Variants in SHISA9 observed in about 807,000 individuals in gnomAD.
SHISA9 encodes the protein shisa family member 9.
In SHISA9, 13 loss-of-function variants were observed where a neutral mutation model predicts 38.0. The observed-to-expected ratio is 0.34, with a 90% confidence interval of 0.22 to 0.54. SHISA9 has a LOEUF of 0.54. Ranked by LOEUF, SHISA9 falls within the 20% of genes least tolerant of loss-of-function variation. The pLI is 0.91. For synonymous variants in SHISA9, 275 were observed against 242.0 expected (o/e 1.14, Z -1.27); for missense variants, 538 against 575.8 (o/e 0.93, Z 0.67).
the SHISA9 span, among the ~76,000 whole-genome samples, chr16:13,386,795 G>A: frequency 1.3e-5 from 2 of 152,038 alleles, no homozygotes; most frequent in African/African-American, 4.8e-5. Context: ...AATTGTTATT[G>A]TAATGTTTAA....
the SHISA9 span, among the ~76,000 whole-genome samples, chr16:13,452,528 A>T: frequency 6.6e-6 from 1 of 152,192 alleles, no homozygotes; most frequent in Non-Finnish European, 1.5e-5. Flanking sequence ...TAGGTGGAAG[A>T]TGGAGCATTA....
chr16:12,940,866 T>G (rs1173802853), intron 2 of SHISA9, among the ~76,000 whole-genome samples: 1 of 151,636 alleles, frequency 6.6e-6, no homozygotes, highest in South Asian at 2.1e-4. Flanking sequence ...GTAGATGAAA[T>G]GGAATAATGC....
chr16:13,511,015 C>A, the SHISA9 span, among the ~76,000 whole-genome samples: 1 of 152,176 alleles, frequency 6.6e-6, no homozygotes, highest in Non-Finnish European at 1.5e-5. Context: ...CTAGAGAAAG[C>A]AAAATTTAGC....
chr16:13,267,740 C>T, the SHISA9 span, among the ~76,000 whole-genome samples: 2 of 152,136 alleles, frequency 1.3e-5, no homozygotes, highest in African/African-American at 4.8e-5. Context: ...TTCTCTGCTC[C>T]ATCTTCTCTG....
At chr16:13,207,533 G>A (rs1257975322) in intron 3 of SHISA9, among the ~76,000 whole-genome samples, 3 of 152,006 alleles carry the variant, frequency 2.0e-5, no homozygotes, top group Non-Finnish European at 4.4e-5. Flanking sequence ...AAACTCTGAA[G>A]CATCCCACGT....
At chr16:13,182,632 A>G (rs973806978) in intron 2 of SHISA9, among the ~76,000 whole-genome samples, 1 of 152,216 alleles carries the variant, frequency 6.6e-6, no homozygotes, top group Admixed American at 6.5e-5. Flanking sequence ...AGATATACAA[A>G]CTAAGATGTT....
the SHISA9 span, among the ~76,000 whole-genome samples, chr16:13,459,332 T>TG: frequency 3.9e-5 from 6 of 152,194 alleles, no homozygotes; most frequent in South Asian, 1.2e-3. Context: ...TCTGGTGACA[T>TG]GGGGGGAGGA....
intron 2 of SHISA9, among the ~76,000 whole-genome samples, chr16:13,119,776 G>A (rs116871404): frequency 3.9e-5 from 6 of 152,234 alleles, no homozygotes; most frequent in East Asian, 1.9e-4. Flanking sequence ...TTAGCTCAAG[G>A]TAAACATGTT....
chr16:13,504,467 A>G, the SHISA9 span, among the ~76,000 whole-genome samples: 1 of 152,158 alleles, frequency 6.6e-6, no homozygotes, highest in South Asian at 2.1e-4. Context: ...CAAAGCCAAA[A>G]ATAATCCCAT....
chr16:13,203,586 T>C (rs1434227112), intron 3 of SHISA9, 37 bp downstream of exon 3: 2 of 1,440,192 alleles, frequency 1.4e-6, no homozygotes, highest in Non-Finnish European at 1.8e-6. Flanking sequence ...CTCTTTCTCC[T>C]CTTCGCTCTC....
the SHISA9 span, among the ~76,000 whole-genome samples, chr16:13,315,278 A>G: frequency 6.6e-6 from 1 of 152,260 alleles, no homozygotes; most frequent in Non-Finnish European, 1.5e-5. Context: ...AAGGAGACAC[A>G]TAACAATAAT....
chr16:13,404,819 TC>T, the SHISA9 span, among the ~76,000 whole-genome samples: 2 of 152,200 alleles, frequency 1.3e-5, no homozygotes, highest in African/African-American at 4.8e-5. Context: ...GGACATGTGA[TC>T]CAGCAATGGA....
At chr16:13,452,770 C>A in the SHISA9 span, among the ~76,000 whole-genome samples, 154 of 152,008 alleles carry the variant, frequency 1.0e-3, no homozygotes, top group African/African-American at 3.5e-3. Context: ...CTCCACTGAG[C>A]TATTACTAGG....
chr16:13,132,678 G>A (rs2050316329), intron 2 of SHISA9, among the ~76,000 whole-genome samples: 1 of 152,102 alleles, frequency 6.6e-6, no homozygotes. Flanking sequence ...TGATTGTTTG[G>A]CTACTTCTGA....
At chr16:13,162,755 A>C (rs2142014068) in intron 2 of SHISA9, among the ~76,000 whole-genome samples, 1 of 152,270 alleles carries the variant, frequency 6.6e-6, no homozygotes, top group South Asian at 2.1e-4. Flanking sequence ...AGCAAAGTAG[A>C]TGTCAGAACA....
At chr16:13,191,262 A>G (rs1353470186) in intron 2 of SHISA9, among the ~76,000 whole-genome samples, 3 of 152,212 alleles carry the variant, frequency 2.0e-5, no homozygotes, top group Non-Finnish European at 2.9e-5. Context: ...AACTAGTGCA[A>G]TTGGCCCCAG....
the SHISA9 span, among the ~76,000 whole-genome samples, chr16:13,291,204 A>G: frequency 4.6e-5 from 7 of 152,148 alleles, no homozygotes; most frequent in African/African-American, 1.7e-4. Flanking sequence ...GAAGGCAGAC[A>G]CCGCAAGACC....
At chr16:12,984,669 G>A (rs1329853470) in intron 2 of SHISA9, among the ~76,000 whole-genome samples, 1 of 152,186 alleles carries the variant, frequency 6.6e-6, no homozygotes, top group East Asian at 1.9e-4. Context: ...AAGAGCTACT[G>A]GGCTTTAATA....
chr16:13,469,320 G>GAAAGAA, the SHISA9 span, among the ~76,000 whole-genome samples: 196 of 61,602 alleles, frequency 3.2e-3, 6 homozygotes, highest in African/African-American at 8.0e-3. Flanking sequence ...GAGAGAGAGA[G>GAAAGAA]AGAAAGAAAG....
Sources: allele counts gnomAD v4.1 joint callset (sites outside exome capture counted in the v4.1 genomes callset), GRCh38; gene constraint gnomAD v4.1.1; transcripts MANE v1.5; gene names NCBI Gene and HGNC (gene_info 2026-07-23, HGNC 2026-07-21).